The following SCUBE2 variants were observed in gnomAD, a reference collection of about 807,000 sequenced individuals.
SCUBE2 encodes the protein signal peptide, CUB domain and EGF like domain containing 2, also known as signal peptide, CUB and EGF-like domain-containing protein 2.
Under a neutral mutation model 125.9 loss-of-function variants are expected in SCUBE2, and 114 were observed. The observed-to-expected ratio is 0.91, with a 90% CI of 0.78 to 1.06. The LOEUF (loss-of-function observed/expected upper bound fraction) is 1.06, where lower values mean the gene tolerates loss of function less well. Among genes scored for constraint, SCUBE2 ranks in the 50% least tolerant of loss-of-function variants. SCUBE2 has a pLI of 0.00. For missense variants in SCUBE2, 1,255 were observed against 1,301.8 expected, an observed-to-expected ratio of 0.96 and a Z score of 0.55; for synonymous variants, 459 against 492.9, an observed-to-expected ratio of 0.93 and a Z score of 0.91.
intron 14 of SCUBE2, 197 bp downstream of exon 14, chr11:9,050,409 A>C: frequency 1.7e-6 from 1 of 582,048 alleles, no homozygotes; most frequent in Non-Finnish European, 3.1e-6. Flanking sequence ...GTGACCCCAG[A>C]ACTATACAAG....
chr11:9,052,842 A>G lies in SCUBE2; in HGVS notation c.1448-10T>C, dbSNP rs1468611944. 3 of 1,531,896 alleles carry G rather than the reference A, an allele frequency of 2.0e-6. No individual in the cohort carries two copies. The highest frequency in any genetic ancestry group is 2.6e-6 in the Non-Finnish European group (3 of 1,142,128). The allele number at this position is 1,531,896 out of a possible 1,614,324, so 94.9% of individuals were successfully genotyped here. On this transcript the variant is annotated splice_polypyrimidine_tract_variant and intron_variant, in intron 12 of 22. Coordinates refer to ENST00000649792, the MANE Select transcript of SCUBE2 (RefSeq NM_001367977.2). ...TAGGCCCCTTGCAGTCCTGACAGAC[A>G]GAATGTCAATTGTCAAATGCATAAG...
Position 9,053,169 on chromosome 11 carries a change from C to T in SCUBE2, c.1377G>A (p.Leu459=), listed in dbSNP as rs1858604464. 1.2e-6 allele frequency: 2 copies of T among 1,614,236 alleles called. No homozygotes were observed. The highest frequency in any genetic ancestry group is 2.2e-5 in the South Asian group (2 of 91,086). The change falls in exon 12 of 23, where the codon CTG becomes CTA. Residue 459 remains leucine (L), a synonymous_variant. Coordinates refer to ENST00000649792, the MANE Select transcript of SCUBE2 (RefSeq NM_001367977.2). The stretch of plus-strand genomic sequence containing the variant: ...CTCCTCCACCACTCTTACCGCAGTG[C>T]AGGGACACACGGGGTGACACACTTG... ...LPTSVSPRVS[L]HCGKSGGGDG...
At chr11:9,079,942 G>C (rs2135910569) in intron 2 of SCUBE2, among the ~76,000 whole-genome samples, 1 of 152,290 alleles carries the variant, frequency 6.6e-6, no homozygotes, top group East Asian at 1.9e-4. Context: ...CGTTTTTGTA[G>C]AACTTGACAA....
chr11:9,087,631 G>A (rs1208526104), intron 2 of SCUBE2, among the ~76,000 whole-genome samples: 1 of 152,126 alleles, frequency 6.6e-6, no homozygotes, highest in Admixed American at 6.5e-5. Context: ...TGGGAGCGGT[G>A]GGAGCCTCAC....
At chr11:9,044,473 C>T (rs1385267481) in intron 16 of SCUBE2, among the ~76,000 whole-genome samples, 2 of 152,076 alleles carry the variant, frequency 1.3e-5, no homozygotes, top group African/African-American at 4.8e-5. Flanking sequence ...CTGAAGTGAT[C>T]CTCCCACCTC....
intron 3 of SCUBE2, among the ~76,000 whole-genome samples, chr11:9,078,196 T>C (rs1173550671): frequency 6.6e-6 from 1 of 152,244 alleles, no homozygotes; most frequent in Non-Finnish European, 1.5e-5. Flanking sequence ...GCTCTCAGGA[T>C]TGTCTCTCAA....
chr11:9,034,717 A>G (rs555253841), intron 16 of SCUBE2, among the ~76,000 whole-genome samples: 8 of 152,298 alleles, frequency 5.3e-5, no homozygotes, highest in African/African-American at 1.9e-4. Context: ...GCAGTGGCTC[A>G]CACCTATGAT....
At chr11:9,083,226 C>T (rs569092740) in intron 2 of SCUBE2, among the ~76,000 whole-genome samples, 1 of 152,024 alleles carries the variant, frequency 6.6e-6, no homozygotes, top group African/African-American at 2.4e-5. Context: ...CGAAAAGAAA[C>T]AAATGAACCT....
At chr11:9,082,463 C>A (rs1337042260) in intron 2 of SCUBE2, among the ~76,000 whole-genome samples, 2 of 152,138 alleles carry the variant, frequency 1.3e-5, no homozygotes, top group African/African-American at 2.4e-5. Flanking sequence ...CCAGCAATCC[C>A]ACTCCTAGGT....
chr11:9,069,226 C>T (rs1019288682), intron 5 of SCUBE2, 144 bp downstream of exon 5: 22 of 962,162 alleles, frequency 2.3e-5, no homozygotes, highest in Non-Finnish European at 3.4e-5. Context: ...TGAACAAGTA[C>T]TTGGTAGAGG....
chr11:9,088,950 G>A (rs963213248), intron 2 of SCUBE2, among the ~76,000 whole-genome samples: 14 of 152,324 alleles, frequency 9.2e-5, no homozygotes, highest in African/African-American at 2.6e-4. Context: ...CCCCATCTGT[G>A]AAATGAGTAA....
At chr11:9,041,867 G>A (rs945018703) in intron 16 of SCUBE2, among the ~76,000 whole-genome samples, 1 of 152,098 alleles carries the variant, frequency 6.6e-6, no homozygotes, top group African/African-American at 2.4e-5. Flanking sequence ...TCTAGCAGAG[G>A]AGAAGAATTC....
chr11:9,054,679 C>T (rs1267904559), intron 10 of SCUBE2, among the ~76,000 whole-genome samples: 1 of 122,222 alleles, frequency 8.2e-6, no homozygotes, highest in Non-Finnish European at 1.6e-5. Context: ...AGGGAGATAA[C>T]TGTCAGTAGC....
Position 9,033,635 on chromosome 11 carries a change from C to A in SCUBE2, c.2164G>T (p.Glu722Ter). 1 of 1,613,820 alleles carries A rather than the reference C, an allele frequency of 6.2e-7. No individual in the cohort carries two copies. The change falls in exon 17 of 23, where the codon GAA (glutamate) becomes TAA (stop). Residue 722 changes from glutamate (E) to a stop codon, truncating the protein, a stop_gained. Coordinates refer to ENST00000649792, the MANE Select transcript of SCUBE2 (RefSeq NM_001367977.2). LOFTEE classifies it high-confidence loss of function. ...LKTPEAWNMS[E>*]CGGLCQPGEY... is the part of the protein sequence containing the mutation. ...CAGACAGCATCCTTACCTCCACATTCAGACATATTCCAAGCTTCTGGGGTC... is the reference window on the plus strand; with the variant it reads ...CAGACAGCATCCTTACCTCCACATTAAGACATATTCCAAGCTTCTGGGGTC...
At chr11:9,082,706 G>C (rs1268696734) in intron 2 of SCUBE2, among the ~76,000 whole-genome samples, 3 of 152,198 alleles carry the variant, frequency 2.0e-5, no homozygotes, top group Admixed American at 6.5e-5. Flanking sequence ...TTTGCTAAGT[G>C]AAAGAATCCA....
In SCUBE2 at chr11:9,091,444, C is replaced by CCAGCAGCAGCAGTGGCGGCAG. The variant is rs754884122; in HGVS notation, c.64_84dup (p.Leu22_Leu28dup). The CCAGCAGCAGCAGTGGCGGCAG allele has an allele frequency of 1.5e-6, 2 of 1,331,022 alleles. No homozygotes were observed. Among genetic ancestry groups the CCAGCAGCAGCAGTGGCGGCAG allele is most frequent in the Non-Finnish European group, 1.9e-6 (2 of 1,044,556 alleles). The allele number at this position is 1,331,022 out of a possible 1,614,324, so 82.5% of individuals were successfully genotyped here. A position where few individuals can be genotyped will look rare whatever the true frequency, so the allele number is the denominator to read the frequency against. ...CCCCGACCCGGCGGGACGGCCCCCG[C>CCAGCAGCAGCAGTGGCGGCAG]CAGCAGCAGCAGTGGCGGCAGCAGC... On this transcript the variant is annotated inframe_insertion, in exon 1 of 23. Coordinates refer to ENST00000649792, the MANE Select transcript of SCUBE2 (RefSeq NM_001367977.2). The surrounding 1 kb of genome is among the most constrained non-coding windows in gnomAD (Gnocchi z 8.5).
intron 13 of SCUBE2, among the ~76,000 whole-genome samples, chr11:9,051,356 G>A (rs886570431): frequency 2.6e-5 from 4 of 152,130 alleles, no homozygotes; most frequent in Admixed American, 6.5e-5. Context: ...AAAAAGGCCA[G>A]AATCCCCCAG....
chr11:9,066,759 T>G lies in SCUBE2; in HGVS notation c.698A>C (p.Asp233Ala). Residue 233 changes from aspartate (D) to alanine (A), a missense_variant, in exon 6 of 23, where the codon GAT becomes GCT. Transcript: ENST00000649792. Reference sequence around the variant, plus strand: ...TGGATGGCAGCTGCACTCTGGGCCATCGGCTGTATCGTCACAGGAGTGCTG... The same window carrying G: ...TGGATGGCAGCTGCACTCTGGGCCAGCGGCTGTATCGTCACAGGAGTGCTG... Reference protein sequence around the residue: ...GCQHSCDDTADGPECSCHPQY... With the variant: ...GCQHSCDDTAAGPECSCHPQY... 6.2e-7 allele frequency: 1 copy of G among 1,614,170 alleles called. No homozygotes were observed. Among genetic ancestry groups the G allele is most frequent in the Non-Finnish European group, 8.5e-7 (1 of 1,180,018 alleles).
chr11:9,051,218 CTAT>C (rs1566200522), intron 13 of SCUBE2, among the ~76,000 whole-genome samples: 79 of 145,418 alleles, frequency 5.4e-4, no homozygotes, highest in African/African-American at 1.5e-3. Flanking sequence ...ATCTATCTAT[CTAT>C]CTATCTACCT....
Sources: gnomAD v4.1 joint callset for allele counts (sites outside exome capture counted in the v4.1 genomes callset) on GRCh38, gnomAD v4.1.1 for gene constraint, Gnocchi (gnomAD v3.1) non-coding constraint, MANE v1.5 for transcripts, NCBI Gene and HGNC (gene_info 2026-07-23, HGNC 2026-07-21) for gene names.